Variants in TNPO1 observed in about 807,000 individuals in gnomAD.
TNPO1 encodes the protein transportin 1, also known as transportin-1.
A neutral mutation model predicts 119.5 loss-of-function variants in TNPO1; 8 were observed. The observed-to-expected ratio is 0.07, with a 90% confidence interval of 0.04 to 0.12. The LOEUF is 0.12. TNPO1 is among the 10% of genes least tolerant of loss of function. The pLI is 1.00. For synonymous variants in TNPO1, 362 were observed against 363.0 expected, an observed-to-expected ratio of 1.00 and a Z score of 0.03; for missense variants, 576 against 1,089.8, an observed-to-expected ratio of 0.53 and a Z score of 6.64.
chr5:72,902,583 T>C (rs1039241496), intron 22 of TNPO1, among the ~76,000 whole-genome samples: 1 of 152,078 alleles, frequency 6.6e-6, no homozygotes, highest in African/African-American at 2.4e-5. Context: ...ATATGACATG[T>C]ACCATCTTTT....
intron 1 of TNPO1, among the ~76,000 whole-genome samples, chr5:72,824,287 T>C (rs866674315): frequency 6.6e-6 from 1 of 152,248 alleles, no homozygotes. Context: ...GGAAAAAATC[T>C]TGTCCCACTT....
rs555429645 is a variant in TNPO1 at position 72,883,605 on chromosome 5, A to G, written c.1150+373A>G. 2.0e-5 allele frequency among the ~76,000 whole-genome samples: 3 copies of G among 152,372 alleles called. No homozygotes were observed. The South Asian group carries it at 6.2e-4, about 32-fold the overall frequency. ...GTAGCATTCACTTGTATTGTGAAAT[A>G]ATATTTCATTGTAATATGCCACATA... On this transcript the variant is annotated intron_variant, in intron 11 of 24. Transcript: ENST00000337273.
intron 15 of TNPO1, 39 bp downstream of exon 15, chr5:72,891,935 C>A: frequency 6.6e-7 from 1 of 1,514,200 alleles, no homozygotes; most frequent in Non-Finnish European, 9.0e-7. Flanking sequence ...TTGCCAAGAA[C>A]ACATGTTCAA....
chr5:72,848,661 C>T (rs1200139098), intron 2 of TNPO1, among the ~76,000 whole-genome samples, 163 bp downstream of exon 2: 2 of 149,132 alleles, frequency 1.3e-5, no homozygotes, highest in Non-Finnish European at 3.0e-5. Context: ...GCCGCTGCCC[C>T]TGCCGGGCGA....
At chr5:72,848,126 A>T (rs934107052) in intron 1 of TNPO1, 151 of 1,165,176 alleles carry the variant, frequency 1.3e-4, no homozygotes, top group Non-Finnish European at 1.5e-4. Context: ...GCGGTGACTC[A>T]GTCTGGTCGG....
intron 14 of TNPO1, 41 bp from the exon 15 acceptor site, chr5:72,891,769 G>T: frequency 7.1e-7 from 1 of 1,401,480 alleles, no homozygotes. Flanking sequence ...TTGTTGACAT[G>T]TGATAGTGGA....
rs559461191 is a variant in TNPO1, at chr5:72,911,356, T to C, written c.*2683T>C. The C allele has an allele frequency of 7.9e-5, 12 of 152,448 alleles. No individual in the cohort carries two copies. The East Asian group carries it at 1.2e-3, about 15-fold the overall frequency. The allele number at this position is 152,448 out of a possible 1,614,324, so 9.4% of individuals were successfully genotyped here. A position where few individuals can be genotyped will look rare whatever the true frequency, so the allele number is the denominator to read the frequency against. Reference sequence around the variant, plus strand: ...ATTTAAATGAAATTTAATTTGAAAATAGAAAATAAAATTAGGTAAATATGA... The same window carrying C: ...ATTTAAATGAAATTTAATTTGAAAACAGAAAATAAAATTAGGTAAATATGA... On this transcript the variant is annotated 3_prime_UTR_variant, in exon 25 of 25. Coordinates refer to ENST00000337273, the MANE Select transcript of TNPO1 (RefSeq NM_002270.4).
At chr5:72,835,186 T>G (rs1444969296) in intron 1 of TNPO1, among the ~76,000 whole-genome samples, 4 of 152,182 alleles carry the variant, frequency 2.6e-5, no homozygotes, top group African/African-American at 9.7e-5. Context: ...ATGACTAAGT[T>G]TTTGCCCGTA....
At chr5:72,841,095 A>T (rs1580377309) in intron 1 of TNPO1, among the ~76,000 whole-genome samples, 1 of 149,254 alleles carries the variant, frequency 6.7e-6, no homozygotes, top group South Asian at 2.1e-4. Context: ...CTTGATCCAT[A>T]ACCTCTGGTT....
At chr5:72,868,024 TA>T (rs1747057710) in intron 6 of TNPO1, among the ~76,000 whole-genome samples, 1 of 152,246 alleles carries the variant, frequency 6.6e-6, no homozygotes, top group Non-Finnish European at 1.5e-5. Flanking sequence ...AGGTTATTTG[TA>T]CTCCATTGAT....
intron 8 of TNPO1, 21 bp downstream of exon 8, chr5:72,875,758 G>A (rs985834864): frequency 6.3e-7 from 1 of 1,588,782 alleles, no homozygotes. Flanking sequence ...CAATTTAAAG[G>A]CTCTTTCATC....
chr5:72,834,261 T>C (rs1298642174), intron 1 of TNPO1, among the ~76,000 whole-genome samples: 1 of 152,234 alleles, frequency 6.6e-6, no homozygotes, highest in African/African-American at 2.4e-5. Context: ...GTATTTACTA[T>C]ATTATTGTTA....
At chr5:72,895,233 G>T (rs1417446530) in intron 18 of TNPO1, among the ~76,000 whole-genome samples, 2 of 152,026 alleles carry the variant, frequency 1.3e-5, no homozygotes, top group Non-Finnish European at 2.9e-5. Context: ...TCTGTCCGTT[G>T]TATTTACTGT....
chr5:72,872,896 T>G (rs1747509546), intron 7 of TNPO1, among the ~76,000 whole-genome samples, 176 bp downstream of exon 7: 1 of 152,042 alleles, frequency 6.6e-6, no homozygotes, highest in Non-Finnish European at 1.5e-5. Context: ...TAGACTAACT[T>G]TTGTTAGCTG....
At chr5:72,902,377 A>G (rs551036900) in intron 22 of TNPO1, among the ~76,000 whole-genome samples, 2 of 152,350 alleles carry the variant, frequency 1.3e-5, no homozygotes, top group South Asian at 4.1e-4. Context: ...TTGAAAACCT[A>G]CAAGTTAGAA....
intron 1 of TNPO1, 145 bp downstream of exon 1, chr5:72,816,897 A>G (rs1387787619): frequency 2.8e-6 from 3 of 1,066,816 alleles, no homozygotes; most frequent in Non-Finnish European, 3.9e-6. Context: ...GCCGAGAGGC[A>G]GCGGCGGCGC....
In TNPO1 at chr5:72,891,742, A is replaced by C. The variant is rs752335209; in HGVS notation, c.1702-68A>C. The C allele has an allele frequency of 4.4e-4, 508 of 1,158,714 alleles. 1 individual carries two copies. Among genetic ancestry groups the C allele is most frequent in the Non-Finnish European group, 6.2e-4 (492 of 799,168 alleles). 71.8% of individuals were successfully genotyped at this position (1,158,714 alleles called of 1,614,324 possible). ...TTGCTCAAAATGGATTTTAATTTTCAAAGACTCAAAATGGTCTTGTTGACA... is the reference window on the plus strand; with the variant it reads ...TTGCTCAAAATGGATTTTAATTTTCCAAGACTCAAAATGGTCTTGTTGACA... On this transcript the variant is annotated intron_variant, in intron 14 of 24. Transcript: ENST00000337273.
chr5:72,889,505 G>A (rs1748898827), intron 13 of TNPO1, among the ~76,000 whole-genome samples: 2 of 151,878 alleles, frequency 1.3e-5, no homozygotes, highest in South Asian at 4.2e-4. Flanking sequence ...TAATTGTTAA[G>A]CATATACTAA....
At chr5:72,872,371 T>C (rs1393954624) in intron 6 of TNPO1, among the ~76,000 whole-genome samples, 1 of 152,178 alleles carries the variant, frequency 6.6e-6, no homozygotes, top group Non-Finnish European at 1.5e-5. Flanking sequence ...CTCCACTCTT[T>C]ATGGGTATGC....
Sources: gnomAD v4.1 joint callset for allele counts (sites outside exome capture counted in the v4.1 genomes callset) on GRCh38, gnomAD v4.1.1 for gene constraint, MANE v1.5 for transcripts, NCBI Gene and HGNC (gene_info 2026-07-23, HGNC 2026-07-21) for gene names.